Variants in CHSY3 observed in about 807,000 individuals in gnomAD.
The protein encoded by CHSY3 is N-acetylgalactosaminyl-proteoglycan 3-beta-glucuronosyltransferase 3.
Under a neutral mutation model 67.2 loss-of-function variants are expected in CHSY3, and 35 were observed. The observed-to-expected ratio is 0.52, with a 90% confidence interval of 0.40 to 0.69. CHSY3 has a LOEUF of 0.69. Among genes scored for constraint, CHSY3 ranks in the 30% least tolerant of loss-of-function variants. The pLI is 0.00. For missense variants in CHSY3, 1,069 were observed against 1,138.5 expected, an observed-to-expected ratio of 0.94 and a Z score of 0.88; for synonymous variants, 474 against 434.7, an observed-to-expected ratio of 1.09 and a Z score of -1.12.
intron 2 of CHSY3, among the ~76,000 whole-genome samples, chr5:130,042,253 C>T (rs1424546522): frequency 6.6e-6 from 1 of 151,928 alleles, no homozygotes; most frequent in African/African-American, 2.4e-5. Flanking sequence ...TTTTTTAAAT[C>T]TCCTCTGTTA....
At chr5:130,000,819 T>C (rs957465930) in intron 2 of CHSY3, among the ~76,000 whole-genome samples, 1 of 138,324 alleles carries the variant, frequency 7.2e-6, no homozygotes, top group African/African-American at 2.6e-5. Flanking sequence ...TTAAGTCATA[T>C]TCCAGCCTTG....
At chr5:130,046,533 CAG>C (rs1476083258) in intron 2 of CHSY3, among the ~76,000 whole-genome samples, 2 of 152,110 alleles carry the variant, frequency 1.3e-5, no homozygotes, top group Admixed American at 6.6e-5. Flanking sequence ...GCTGTACCTA[CAG>C]AGACAGATTT....
intron 2 of CHSY3, among the ~76,000 whole-genome samples, chr5:130,164,208 G>T (rs1268465754): frequency 6.6e-6 from 1 of 152,160 alleles, no homozygotes; most frequent in Non-Finnish European, 1.5e-5. Flanking sequence ...CTTCCTTGAG[G>T]ATTAATATCG....
At chr5:129,924,889 C>A (rs928078508) in intron 2 of CHSY3, among the ~76,000 whole-genome samples, 1 of 152,100 alleles carries the variant, frequency 6.6e-6, no homozygotes, top group Non-Finnish European at 1.5e-5. Context: ...AAAAGAGGAG[C>A]AAATTCCTCA....
chr5:129,938,174 C>A (rs923143565), intron 2 of CHSY3, among the ~76,000 whole-genome samples: 1 of 152,202 alleles, frequency 6.6e-6, no homozygotes, highest in Non-Finnish European at 1.5e-5. Flanking sequence ...GTACGTTGGT[C>A]CCTTTTAGCC....
At chr5:130,039,288 A>G (rs1289976886) in intron 2 of CHSY3, among the ~76,000 whole-genome samples, 4 of 152,050 alleles carry the variant, frequency 2.6e-5, no homozygotes, top group Non-Finnish European at 5.9e-5. Context: ...GGATTTTAAG[A>G]CCAGCCTGGA....
At chr5:130,146,752 A>G (rs1401763387) in intron 2 of CHSY3, among the ~76,000 whole-genome samples, 1 of 151,744 alleles carries the variant, frequency 6.6e-6, no homozygotes, top group African/African-American at 2.4e-5. Context: ...ATAGTGTGCT[A>G]ATTAAAAAAA....
At chr5:130,165,188 T>C (rs1376655543) in intron 2 of CHSY3, among the ~76,000 whole-genome samples, 3 of 152,070 alleles carry the variant, frequency 2.0e-5, no homozygotes, top group African/African-American at 7.2e-5. Context: ...GGAGAACTGA[T>C]TGGAGAGTGG....
chr5:130,117,456 C>G (rs1767847571), intron 2 of CHSY3, among the ~76,000 whole-genome samples: 1 of 152,166 alleles, frequency 6.6e-6, no homozygotes, highest in African/African-American at 2.4e-5. Context: ...TCTTCTGATT[C>G]CCAGTCAATG....
chr5:130,037,692 G>A (rs1764898392), intron 2 of CHSY3, among the ~76,000 whole-genome samples: 1 of 151,950 alleles, frequency 6.6e-6, no homozygotes, highest in Admixed American at 6.6e-5. Context: ...AATTAACAAT[G>A]TAATTTATTT....
chr5:130,182,820 G>T (rs950390883), intron 2 of CHSY3, among the ~76,000 whole-genome samples: 3 of 150,606 alleles, frequency 2.0e-5, no homozygotes, highest in African/African-American at 4.9e-5. Flanking sequence ...TTCTTCCTAC[G>T]TTTTTCACAA....
At chr5:130,085,793 G>T (rs1453877453) in intron 2 of CHSY3, among the ~76,000 whole-genome samples, 1 of 152,104 alleles carries the variant, frequency 6.6e-6, no homozygotes, top group Non-Finnish European at 1.5e-5. Flanking sequence ...GTGTCCCAGA[G>T]ATTCTAGTAT....
At position 130,184,286 on chromosome 5, in the gene CHSY3, C is replaced by T; in HGVS notation, c.1144C>T (p.Leu382Phe). ...EHNRKGYIQDLHNSKIHAAIT... is the reference protein window; with the variant it reads ...EHNRKGYIQDFHNSKIHAAIT... ...CAATCGGAAGGGTTACATCCAAGAC[C>T]TTCACAATAGCAAAATCCATGCAGC... Residue 382 changes from leucine to phenylalanine, a missense_variant, in exon 3 of 3, where the codon CTT becomes TTT. Coordinates refer to ENST00000305031, the MANE Select transcript of CHSY3 (RefSeq NM_175856.5). 6.2e-7 allele frequency: 1 copy of T among 1,613,398 alleles called. No homozygotes were observed. The highest frequency in any genetic ancestry group is 8.5e-7 in the Non-Finnish European group (1 of 1,179,652).
rs562961998 is a variant in CHSY3, at chr5:129,989,937, T to C, written c.1086+81577T>C. Among the ~76,000 whole-genome samples, 7 of 152,316 alleles carry C rather than the reference T, an allele frequency of 4.6e-5. No individual in the cohort carries two copies. In the South Asian group the frequency reaches 1.2e-3, roughly 27 times the overall value. ...TCATACAAGCAATATAGGTAATCCA[T>C]GAATGAATTAATATGGCTCTGTTCC... On this transcript the variant is annotated intron_variant, in intron 2 of 2. Transcript: ENST00000305031.
chr5:130,052,438 ATT>A (rs1332236385), intron 2 of CHSY3, among the ~76,000 whole-genome samples: 1 of 152,168 alleles, frequency 6.6e-6, no homozygotes, highest in Non-Finnish European at 1.5e-5. Flanking sequence ...TACTTTTGGT[ATT>A]ATTATCCATA....
intron 2 of CHSY3, among the ~76,000 whole-genome samples, chr5:129,955,158 C>T (rs760817681): frequency 5.3e-5 from 8 of 152,164 alleles, no homozygotes; most frequent in Admixed American, 1.3e-4. Context: ...TGAGCCACTG[C>T]GCCTGGCCCA....
chr5:130,082,542 C>T (rs922338634), intron 2 of CHSY3, among the ~76,000 whole-genome samples: 1 of 151,898 alleles, frequency 6.6e-6, no homozygotes, highest in African/African-American at 2.4e-5. Context: ...TATATTATTG[C>T]AAGAGTTTAT....
chr5:129,953,309 T>A (rs944863467), intron 2 of CHSY3, among the ~76,000 whole-genome samples: 15 of 152,182 alleles, frequency 9.9e-5, no homozygotes, highest in Admixed American at 9.8e-4. Flanking sequence ...CGACATGAAC[T>A]CATCCTTTTT....
chr5:129,911,852 C>T (rs534373515), intron 2 of CHSY3, among the ~76,000 whole-genome samples: 36 of 152,058 alleles, frequency 2.4e-4, no homozygotes, highest in Non-Finnish European at 4.6e-4. Flanking sequence ...GTCAGGAGAT[C>T]GAGACCATCC....
Sources: allele counts gnomAD v4.1 joint callset (sites outside exome capture counted in the v4.1 genomes callset), GRCh38; gene constraint gnomAD v4.1.1; transcripts MANE v1.5; gene names NCBI Gene and HGNC (gene_info 2026-07-23, HGNC 2026-07-21).